The following HTR4 variants were observed in gnomAD, a reference collection of about 807,000 sequenced individuals.
HTR4 encodes the protein 5-hydroxytryptamine (serotonin) receptor 4, G protein-coupled.
A neutral mutation model predicts 36.8 loss-of-function variants in HTR4; 16 were observed. That is an observed-to-expected ratio of 0.43 (90% CI 0.29 to 0.66). The LOEUF (loss-of-function observed/expected upper bound fraction) is 0.66. Ranked by LOEUF, HTR4 falls within the 30% of genes least tolerant of loss-of-function variation. The pLI is 0.13. For synonymous variants in HTR4, 189 were observed against 185.1 expected, an observed-to-expected ratio of 1.02 and a Z score of -0.17; for missense variants, 438 against 490.9, an observed-to-expected ratio of 0.89 and a Z score of 1.02.
intron 6 of HTR4, among the ~76,000 whole-genome samples, chr5:148,502,164 CAG>C (rs1756963856): frequency 6.6e-6 from 1 of 152,114 alleles, no homozygotes; most frequent in African/African-American, 2.4e-5. Flanking sequence ...TCTCCTAGCA[CAG>C]AGTTTGAGAT....
intron 5 of HTR4, among the ~76,000 whole-genome samples, chr5:148,516,915 G>A (rs2113785654): frequency 6.6e-6 from 1 of 152,202 alleles, no homozygotes; most frequent in Middle Eastern, 3.4e-3. Flanking sequence ...ACTTTCAATG[G>A]CAAAAACCAC....
chr5:148,550,419 G>A (rs181356559), intron 2 of HTR4, among the ~76,000 whole-genome samples, 157 bp from the exon 3 acceptor site: 6 of 152,138 alleles, frequency 3.9e-5, no homozygotes, highest in South Asian at 2.1e-4. Context: ...AATCTGAACC[G>A]GTCGCTTGAC....
chr5:148,550,492 T>A (rs1325227265), intron 2 of HTR4, among the ~76,000 whole-genome samples: 1 of 152,170 alleles, frequency 6.6e-6, no homozygotes, highest in Non-Finnish European at 1.5e-5. Flanking sequence ...AATTAACAGG[T>A]TATTTTCCAT....
intron 2 of HTR4, 37 bp from the exon 3 acceptor site, chr5:148,550,299 A>T (rs760435584): frequency 6.2e-7 from 1 of 1,606,484 alleles, no homozygotes; most frequent in East Asian, 2.2e-5. Flanking sequence ...ATTGAATGAA[A>T]CTCTGGGACA....
intron 5 of HTR4, among the ~76,000 whole-genome samples, chr5:148,517,484 C>A (rs1213311933): frequency 6.6e-6 from 1 of 151,936 alleles, no homozygotes; most frequent in African/African-American, 2.4e-5. Context: ...AGTAAAAAAG[C>A]CAAGTGTTTG....
intron 2 of HTR4, among the ~76,000 whole-genome samples, chr5:148,622,762 G>A (rs73797933): frequency 0.049 from 7,388 of 152,168 alleles, 378 homozygotes; most frequent in African/African-American, 0.13. Flanking sequence ...GTGAAAGCAC[G>A]TTGTAAATTT....
chr5:148,599,748 A>G (rs1761915324), intron 2 of HTR4, among the ~76,000 whole-genome samples: 1 of 152,100 alleles, frequency 6.6e-6, no homozygotes, highest in Non-Finnish European at 1.5e-5. Context: ...TACAAACAAT[A>G]TATTATGTTT....
At chr5:148,649,734 G>GA (rs34393978) in intron 1 of HTR4, among the ~76,000 whole-genome samples, 29,523 of 152,136 alleles carry the variant, frequency 0.19, 3,442 homozygotes, top group East Asian at 0.4. Flanking sequence ...TGCTTAGTAA[G>GA]AATGTCAATT....
At chr5:148,606,566 A>G (rs1235554884) in intron 2 of HTR4, among the ~76,000 whole-genome samples, 1 of 152,186 alleles carries the variant, frequency 6.6e-6, no homozygotes, top group Non-Finnish European at 1.5e-5. Flanking sequence ...TGCATGTAGA[A>G]CATTTAGCAC....
intron 1 of HTR4, chr5:148,645,878 C>G (rs904282932): frequency 3.3e-5 from 5 of 152,234 alleles, no homozygotes; most frequent in Non-Finnish European, 7.3e-5. Flanking sequence ...AATTATTCCT[C>G]TTCTCTATAG....
At chr5:148,545,304 T>G (rs1403434879) in intron 4 of HTR4, among the ~76,000 whole-genome samples, 2 of 152,228 alleles carry the variant, frequency 1.3e-5, no homozygotes, top group Non-Finnish European at 2.9e-5. Context: ...TTGGCATGAC[T>G]CTCACAAAGA....
rs1396632539 is a variant in HTR4 at position 148,509,804 on chromosome 5, G to A, written c.728C>T (p.Ala243Val). ...CATGCGATGAGTGCTATGCTGGTCT[G>A]CCGACTGAGGCCTGCTCTCGGAGGA... is the stretch of plus-strand genomic sequence containing the variant. ...GASSESRPQSADQHSTHRMRT... is the reference protein window; with the variant it reads ...GASSESRPQSVDQHSTHRMRT... Residue 243 changes from alanine to valine, a missense_variant, in exon 6 of 7, where the codon GCA becomes GTA. Coordinates refer to ENST00000377888, the MANE Select transcript of HTR4 (RefSeq NM_000870.7). 1 of 1,613,976 alleles carries A rather than the reference G, an allele frequency of 6.2e-7. No homozygotes were observed. Among genetic ancestry groups the A allele is most frequent in the East Asian group, 2.2e-5 (1 of 44,830 alleles).
chr5:148,636,707 C>A (rs1344926281), intron 2 of HTR4, among the ~76,000 whole-genome samples: 1 of 152,166 alleles, frequency 6.6e-6, no homozygotes, highest in Non-Finnish European at 1.5e-5. Context: ...ATACATCTTT[C>A]TTCCTATTAC....
At chr5:148,463,635 A>C (rs924964739) in intron 5 of HTR4, among the ~76,000 whole-genome samples, 1 of 152,152 alleles carries the variant, frequency 6.6e-6, no homozygotes, top group African/African-American at 2.4e-5. Context: ...TATTGTCAAG[A>C]TGTCAAGGCT....
At chr5:148,581,641 G>A (rs1761140345) in intron 2 of HTR4, among the ~76,000 whole-genome samples, 1 of 151,976 alleles carries the variant, frequency 6.6e-6, no homozygotes, top group Non-Finnish European at 1.5e-5. Flanking sequence ...AAGATTAATT[G>A]ACCGTATATG....
intron 4 of HTR4, among the ~76,000 whole-genome samples, chr5:148,534,424 C>A (rs1220835121): frequency 6.6e-6 from 1 of 152,198 alleles, no homozygotes; most frequent in Non-Finnish European, 1.5e-5. Flanking sequence ...GTACCTGTTC[C>A]CATATCTCCT....
At chr5:148,643,535 G>C (rs116376458) in intron 1 of HTR4, among the ~76,000 whole-genome samples, 1,816 of 152,218 alleles carry the variant, frequency 0.012, 33 homozygotes, top group African/African-American at 0.04. Flanking sequence ...AAAAAGAGAA[G>C]ATTCAGTCAT....
intron 2 of HTR4, among the ~76,000 whole-genome samples, chr5:148,576,324 C>T (rs906575712): frequency 6.6e-6 from 1 of 151,376 alleles, no homozygotes; most frequent in Non-Finnish European, 1.5e-5. Context: ...TCAGAGAAGG[C>T]GTAACAAATG....
At chr5:148,510,178 C>T (rs529539007) in intron 5 of HTR4, among the ~76,000 whole-genome samples, 154 bp from the exon 6 acceptor site, 15 of 151,226 alleles carry the variant, frequency 9.9e-5, no homozygotes, top group African/African-American at 3.6e-4. Context: ...GGGAAGAGAA[C>T]AAGGAAAGAA....
Sources: gnomAD v4.1 joint callset for allele counts (sites outside exome capture counted in the v4.1 genomes callset) on GRCh38, gnomAD v4.1.1 for gene constraint, MANE v1.5 for transcripts, NCBI Gene and HGNC (gene_info 2026-07-23, HGNC 2026-07-21) for gene names.